Variants in MTMR4 observed in about 807,000 individuals in gnomAD.
MTMR4 encodes myotubularin related protein 4.
Under a neutral mutation model 125.5 loss-of-function variants are expected in MTMR4, and 30 were observed. The ratio of observed to expected loss-of-function variants is 0.24; its 90% CI spans 0.18 to 0.32. The LOEUF (loss-of-function observed/expected upper bound fraction) is 0.32, where lower values mean the gene tolerates loss of function less well. Among genes scored for constraint, MTMR4 ranks in the 10% least tolerant of loss-of-function variants. MTMR4 has a pLI of 1.00. For synonymous variants in MTMR4, 498 were observed against 564.5 expected (o/e 0.88, Z 1.67); for missense variants, 1,039 against 1,511.5 (o/e 0.69, Z 5.18).
chr17:58,500,129 A>G, intron 14 of MTMR4, among the ~76,000 whole-genome samples: 1 of 151,954 alleles, frequency 6.6e-6, no homozygotes, highest in East Asian at 1.9e-4. Flanking sequence ...TTTGAACTAC[A>G]CACATTTGTT....
At position 58,496,150 on chromosome 17, in the gene MTMR4, T is replaced by C. The variant is rs773237756; in HGVS notation, c.2034A>G (p.Gly678=). ...CTTCTCCTACAGTTTGCTGAGGCCC[T>C]CCTACCCCAGAGTCCACAAAGCTTG... ...SETSFVDSGV[G]GPQQTVGEVG... The change falls in exon 15 of 18, where the codon GGA becomes GGG. Residue 678 remains glycine (G), a synonymous_variant. Transcript: ENST00000682306. 1 of 1,614,174 alleles carries C rather than the reference T, an allele frequency of 6.2e-7. No homozygotes were observed. Among genetic ancestry groups the C allele is most frequent in the Non-Finnish European group, 8.5e-7 (1 of 1,180,014 alleles).
Position 58,514,590 on chromosome 17 carries a change from A to C in MTMR4, c.-183T>G. 3 of 984,600 alleles carry C rather than the reference A, an allele frequency of 3.0e-6. No homozygotes were observed. The highest frequency in any genetic ancestry group is 1.1e-4 in the East Asian group (1 of 8,742). The allele number at this position is 984,600 out of a possible 1,614,324, so 61.0% of individuals were successfully genotyped here. A position where few individuals can be genotyped will look rare whatever the true frequency, so the allele number is the denominator to read the frequency against. On this transcript the variant is annotated 5_prime_UTR_variant, in exon 1 of 18. Coordinates refer to ENST00000682306, the MANE Select transcript of MTMR4 (RefSeq NM_001378067.1). ...GCGCGCCTCTCCCCTCCTCTCCACA[A>C]TGGAGCGGGCCCAGCTCCGCCCTCC...
intron 7 of MTMR4, among the ~76,000 whole-genome samples, chr17:58,507,825 C>T (rs563551621): frequency 4.7e-4 from 72 of 151,880 alleles, no homozygotes; most frequent in African/African-American, 1.6e-3. Context: ...GCTTACAAGC[C>T]GTTTTATATA....
upstream of MTMR4, chr17:58,516,528 G>C: frequency 6.2e-7 from 1 of 1,605,464 alleles, no homozygotes; most frequent in South Asian, 1.1e-5. Flanking sequence ...CACAGAGAAA[G>C]ACACATGGAT....
chr17:58,514,578 C>T lies in MTMR4; in HGVS notation c.-171G>A. The T allele has an allele frequency of 1.0e-6, 1 of 985,222 alleles. No homozygotes were observed. The highest frequency in any genetic ancestry group is 1.2e-6 in the Non-Finnish European group (1 of 829,884). The allele number at this position is 985,222 out of a possible 1,614,324, so 61.0% of individuals were successfully genotyped here. A position where few individuals can be genotyped will look rare whatever the true frequency, so the allele number is the denominator to read the frequency against. ...CGCGCGGCTCCCGCGCGCCTCTCCC[C>T]TCCTCTCCACAATGGAGCGGGCCCA... On this transcript the variant is annotated 5_prime_UTR_variant, in exon 1 of 18. Transcript: ENST00000682306.
At chr17:58,507,400 C>T in intron 7 of MTMR4, 81 bp from the exon 8 acceptor site, 8 of 1,319,614 alleles carry the variant, frequency 6.1e-6, no homozygotes, top group Non-Finnish European at 7.2e-6. Context: ...ACCAAAGTCT[C>T]TAGAGCCAGC....
chr17:58,493,078 T>C, intron 15 of MTMR4, 126 bp from the exon 16 acceptor site: 1 of 666,726 alleles, frequency 1.5e-6, no homozygotes, highest in South Asian at 1.9e-5. Context: ...TCTTACAATG[T>C]ATACTACTAA....
In MTMR4 at chr17:58,507,227, G is replaced by T. The variant is rs765378324; in HGVS notation, c.800C>A (p.Thr267Lys). 6 of 1,614,170 alleles carry T rather than the reference G, an allele frequency of 3.7e-6. No homozygotes were observed. The highest frequency in any genetic ancestry group is 5.1e-6 in the Non-Finnish European group (6 of 1,180,034). ...WRNADDEYLV[T>K]SIAKACALDP... is the part of the protein sequence containing the mutation. ...CAGGGCACAGGCTTTAGCAATGGACGTGACCAGGTACTCATCATCAGCATT... is the reference window on the plus strand; with the variant it reads ...CAGGGCACAGGCTTTAGCAATGGACTTGACCAGGTACTCATCATCAGCATT... Residue 267 changes from threonine to lysine, a missense_variant, in exon 8 of 18, where the codon ACG (threonine) becomes AAG (lysine). By Grantham distance (78) the Thr-to-Lys change is moderately conservative. Coordinates refer to ENST00000682306, the MANE Select transcript of MTMR4 (RefSeq NM_001378067.1).
rs200122577 is a variant in MTMR4, at chr17:58,503,917, A to T, written c.1699-19T>A. 2 of 1,604,604 alleles carry T rather than the reference A, an allele frequency of 1.2e-6. No individual in the cohort carries two copies. The highest frequency in any genetic ancestry group is 2.7e-5 in the African/African-American group (2 of 74,424). ...GCAGGACCTAGGGAAGCAGCCCAAT[A>T]CTAGTGCTTTGTCAAGAGTTCCTTG... On this transcript the variant is annotated intron_variant, in intron 13 of 17. Coordinates refer to ENST00000682306, the MANE Select transcript of MTMR4 (RefSeq NM_001378067.1).
chr17:58,512,996 A>G lies in MTMR4; in HGVS notation c.46-55T>C. On this transcript the variant is annotated intron_variant, in intron 1 of 17. Coordinates refer to ENST00000682306, the MANE Select transcript of MTMR4 (RefSeq NM_001378067.1). The surrounding 1 kb of genome is among the most constrained non-coding windows in gnomAD (Gnocchi z 4.1). ...AAGCTCCACTTAGCCCATCAGGCTCATTCTGCTCCTCTCCCCACCAAGAAA... is the reference window on the plus strand; with the variant it reads ...AAGCTCCACTTAGCCCATCAGGCTCGTTCTGCTCCTCTCCCCACCAAGAAA... 3 of 1,285,948 alleles carry G rather than the reference A, an allele frequency of 2.3e-6. No homozygotes were observed. Among genetic ancestry groups the G allele is most frequent in the Non-Finnish European group, 3.4e-6 (3 of 888,084 alleles). The allele number at this position is 1,285,948 out of a possible 1,614,324, so 79.7% of individuals were successfully genotyped here. A position where few individuals can be genotyped will look rare whatever the true frequency, so the allele number is the denominator to read the frequency against.
rs1159590524 is a variant in MTMR4 at position 58,489,605 on chromosome 17, A to G, written c.*2058T>C. On this transcript the variant is annotated 3_prime_UTR_variant, in exon 18 of 18. Coordinates refer to ENST00000682306, the MANE Select transcript of MTMR4 (RefSeq NM_001378067.1). ...CACATTGCATGTTTGTCACAACGCA[A>G]CTGCACAGTTTGGATTTTTGGCCAC... The G allele has an allele frequency of 6.6e-6, 1 of 152,184 alleles. No homozygotes were observed. Among genetic ancestry groups the G allele is most frequent in the African/African-American group, 2.4e-5 (1 of 41,442 alleles). 9.4% of individuals were successfully genotyped at this position (152,184 alleles called of 1,614,324 possible). A position where few individuals can be genotyped will look rare whatever the true frequency, so the allele number is the denominator to read the frequency against.
chr17:58,517,404 G>A (rs540469324), upstream of MTMR4, among the ~76,000 whole-genome samples: 18 of 152,374 alleles, frequency 1.2e-4, no homozygotes, highest in South Asian at 1.0e-3. Context: ...CCCTGCGGGA[G>A]GCTGCGGGGA....
Position 58,508,906 on chromosome 17 carries a change from G to A in MTMR4, c.336-65C>T, listed in dbSNP as rs1975852005. ...GCAGTTGTGCCATGGGGCTATCAGGGCCAAAAACACAGCCACAGGAAGGCT... is the reference window on the plus strand; with the variant it reads ...GCAGTTGTGCCATGGGGCTATCAGGACCAAAAACACAGCCACAGGAAGGCT... On this transcript the variant is annotated intron_variant, in intron 4 of 17. Coordinates refer to ENST00000682306, the MANE Select transcript of MTMR4 (RefSeq NM_001378067.1). This position sits in a 1 kb window ranked among gnomAD's most constrained non-coding sequence, Gnocchi z 4.8. The A allele has an allele frequency of 1.3e-6, 2 of 1,550,740 alleles. No individual in the cohort carries two copies. The highest frequency in any genetic ancestry group is 1.8e-5 in the Admixed American group (1 of 55,936).
chr17:58,507,199 G>A lies in MTMR4; in HGVS notation c.828C>T (p.Asp276=). 4 of 1,614,144 alleles carry A rather than the reference G, an allele frequency of 2.5e-6. No individual in the cohort carries two copies. Among genetic ancestry groups the A allele is most frequent in the Non-Finnish European group, 3.4e-6 (4 of 1,180,036 alleles). The change falls in exon 8 of 18, where the codon GAC becomes GAT. Residue 276 remains aspartate, a synonymous_variant. Coordinates refer to ENST00000682306, the MANE Select transcript of MTMR4 (RefSeq NM_001378067.1). ...AGCCCCCAGTGGCCCTTGTCCCCGG[G>A]TCCAGGGCACAGGCTTTAGCAATGG... ...VTSIAKACAL[D]PGTRATGGSL... is the part of the protein sequence containing the mutation.
chr17:58,516,635 G>A (rs1054541744), upstream of MTMR4: 3 of 1,611,814 alleles, frequency 1.9e-6, no homozygotes, highest in Middle Eastern at 1.6e-4. Context: ...GGAGACAGAG[G>A]AACATAAAAG....
chr17:58,490,293 A>T lies in MTMR4; in HGVS notation c.*1370T>A, dbSNP rs1975284259. 1 of 152,648 alleles carries T rather than the reference A, an allele frequency of 6.6e-6. No homozygotes were observed. The highest frequency in any genetic ancestry group is 1.5e-5 in the Non-Finnish European group (1 of 68,040). 9.5% of individuals were successfully genotyped at this position (152,648 alleles called of 1,614,324 possible). A position where few individuals can be genotyped will look rare whatever the true frequency, so the allele number is the denominator to read the frequency against. ...TCAACAAATTAAGGAAAACTGTATAAAGTCCTAGTGGTTTCATTATAGGCC... is the reference window on the plus strand; with the variant it reads ...TCAACAAATTAAGGAAAACTGTATATAGTCCTAGTGGTTTCATTATAGGCC... On this transcript the variant is annotated 3_prime_UTR_variant, in exon 18 of 18. Transcript: ENST00000682306.
At chr17:58,496,779 T>C (rs911362094) in intron 14 of MTMR4, among the ~76,000 whole-genome samples, 6 of 152,236 alleles carry the variant, frequency 3.9e-5, no homozygotes, top group Non-Finnish European at 5.9e-5. Context: ...CTGACGCTAA[T>C]TAGCTACATG....
rs1241408565 is a variant in MTMR4, at chr17:58,490,401, T to A, written c.*1262A>T. ...TAAGTGCCACTGGTACATATTAAGA[T>A]GAAAAAAAACAAAAACAAAAACAAA... On this transcript the variant is annotated 3_prime_UTR_variant, in exon 18 of 18. Transcript: ENST00000682306. The A allele has an allele frequency of 1.3e-5, 2 of 152,356 alleles. No individual in the cohort carries two copies. The highest frequency in any genetic ancestry group is 2.4e-5 in the African/African-American group (1 of 41,340). 9.4% of individuals were successfully genotyped at this position (152,356 alleles called of 1,614,324 possible). A position where few individuals can be genotyped will look rare whatever the true frequency, so the allele number is the denominator to read the frequency against.
chr17:58,507,933 AC>A, intron 7 of MTMR4: 1 of 447,250 alleles, frequency 2.2e-6, no homozygotes, highest in Non-Finnish European at 4.1e-6. Flanking sequence ...ACACACACAC[AC>A]ACACACACAC....
Sources: allele counts gnomAD v4.1 joint callset (sites outside exome capture counted in the v4.1 genomes callset), GRCh38; gene constraint gnomAD v4.1.1; non-coding constraint Gnocchi (gnomAD v3.1); transcripts MANE v1.5; gene names NCBI Gene and HGNC (gene_info 2026-07-23, HGNC 2026-07-21).